The following MYO1D variants were observed in gnomAD, a reference collection of about 807,000 sequenced individuals.
The protein encoded by MYO1D is unconventional myosin-Id.
MYO1D carries 83 observed loss-of-function variants against 122.0 expected under a neutral mutation model. That is an observed-to-expected ratio of 0.68 (90% confidence interval 0.57 to 0.82). The LOEUF (loss-of-function observed/expected upper bound fraction) is 0.82, where lower values mean the gene tolerates loss of function less well. Ranked by LOEUF, MYO1D falls within the 40% of genes least tolerant of loss-of-function variation. The pLI, the probability that MYO1D is intolerant of heterozygous loss-of-function variation, is 0.00. For synonymous variants in MYO1D, 464 were observed against 446.9 expected, an observed-to-expected ratio of 1.04 and a Z score of -0.48; for missense variants, 1,157 against 1,269.5, an observed-to-expected ratio of 0.91 and a Z score of 1.35.
intron 21 of MYO1D, among the ~76,000 whole-genome samples, chr17:32,572,302 A>G (rs1040858412): frequency 6.6e-6 from 1 of 151,978 alleles, no homozygotes; most frequent in African/African-American, 2.4e-5. Flanking sequence ...GACATCTCCA[A>G]CACTGATCTC....
chr17:32,736,971 T>C (rs906222509), intron 14 of MYO1D, among the ~76,000 whole-genome samples: 6 of 152,158 alleles, frequency 3.9e-5, no homozygotes, highest in Non-Finnish European at 7.4e-5. Context: ...AGCCAACAAA[T>C]TGTGCTTATA....
chr17:32,534,606 C>G (rs1212106064), intron 21 of MYO1D, among the ~76,000 whole-genome samples: 1 of 152,166 alleles, frequency 6.6e-6, no homozygotes, highest in Non-Finnish European at 1.5e-5. Context: ...GGTATGAGAT[C>G]TAGAGGCTTA....
intron 1 of MYO1D, among the ~76,000 whole-genome samples, chr17:32,816,814 T>C (rs1237073828): frequency 6.6e-6 from 1 of 152,202 alleles, no homozygotes; most frequent in African/African-American, 2.4e-5. Flanking sequence ...CATCAAAACC[T>C]TAATCCATTT....
chr17:32,671,227 G>C (rs2088715928), intron 16 of MYO1D, among the ~76,000 whole-genome samples: 1 of 152,230 alleles, frequency 6.6e-6, no homozygotes, highest in African/African-American at 2.4e-5. Flanking sequence ...TAATATGCCT[G>C]GTTTGGTCAT....
intron 1 of MYO1D, among the ~76,000 whole-genome samples, chr17:32,865,123 C>G (rs920849962): frequency 8.5e-5 from 13 of 152,130 alleles, no homozygotes; most frequent in African/African-American, 3.1e-4. Context: ...AAACCCAAAG[C>G]TGATATATGA....
In MYO1D at chr17:32,654,495, C is replaced by G. The variant is rs1176057435; in HGVS notation, c.2472G>C (p.Glu824Asp). The G allele has an allele frequency of 6.2e-7, 1 of 1,613,040 alleles. No homozygotes were observed. Among genetic ancestry groups the G allele is most frequent in the Middle Eastern group, 1.7e-4 (1 of 6,054 alleles). ...RADLGLQRAW[E>D]GNYLASKPDT... ...GACTTACTGAAGCAAGATAGTTGCC[C>G]TCCCAGGCCCTCTGGAGCCCGAGGT... Residue 824 changes from glutamate to aspartate, a missense_variant, in exon 18 of 22, where the codon GAG (glutamate) becomes GAC (aspartate). Physicochemically the swap from Glu to Asp is conservative, Grantham distance 45. Transcript: ENST00000318217.
intron 21 of MYO1D, among the ~76,000 whole-genome samples, chr17:32,517,651 A>G (rs1291096212): frequency 6.6e-6 from 1 of 151,760 alleles, no homozygotes; most frequent in Non-Finnish European, 1.5e-5. Flanking sequence ...TTTAAGCATC[A>G]CCCTCCCTGG....
intron 8 of MYO1D, among the ~76,000 whole-genome samples, chr17:32,762,175 A>C (rs1335059783): frequency 6.6e-6 from 1 of 151,918 alleles, no homozygotes; most frequent in African/African-American, 2.4e-5. Context: ...AGAGAAGAGC[A>C]GTCCAAGCAG....
intron 14 of MYO1D, among the ~76,000 whole-genome samples, chr17:32,730,146 A>T (rs2089621015): frequency 1.4e-5 from 2 of 144,218 alleles, no homozygotes; most frequent in Admixed American, 6.9e-5. Flanking sequence ...TTCCTTCTCT[A>T]CTAGTTTGGA....
At chr17:32,665,724 G>C (rs2088627185) in intron 16 of MYO1D, among the ~76,000 whole-genome samples, 1 of 152,128 alleles carries the variant, frequency 6.6e-6, no homozygotes, top group Non-Finnish European at 1.5e-5. Context: ...CAAATGTATA[G>C]GGATCGTTGG....
chr17:32,527,642 A>G (rs1910383862), intron 21 of MYO1D, among the ~76,000 whole-genome samples: 1 of 98,892 alleles, frequency 1.0e-5, no homozygotes, highest in Non-Finnish European at 2.0e-5. Context: ...AAAATAAGAT[A>G]AAAAAAATAG....
chr17:32,645,398 G>A (rs1483569083), intron 19 of MYO1D, among the ~76,000 whole-genome samples: 2 of 152,012 alleles, frequency 1.3e-5, no homozygotes, highest in Non-Finnish European at 2.9e-5. Context: ...TGCTCTTCTC[G>A]AGGAGTATCT....
chr17:32,716,373 G>T (rs1043921052), intron 15 of MYO1D, among the ~76,000 whole-genome samples: 1 of 152,076 alleles, frequency 6.6e-6, no homozygotes, highest in African/African-American at 2.4e-5. Flanking sequence ...GGGTTTATCT[G>T]CTTAATGTCA....
At chr17:32,685,497 A>G (rs1167131669) in intron 16 of MYO1D, among the ~76,000 whole-genome samples, 1 of 152,198 alleles carries the variant, frequency 6.6e-6, no homozygotes, top group Non-Finnish European at 1.5e-5. Flanking sequence ...TCTTTTTCAT[A>G]ACTCCATGGA....
intron 21 of MYO1D, among the ~76,000 whole-genome samples, chr17:32,585,390 A>T (rs976375700): frequency 6.6e-6 from 1 of 152,114 alleles, no homozygotes; most frequent in Non-Finnish European, 1.5e-5. Flanking sequence ...CCACTATGAA[A>T]ATTTTATGTG....
intron 1 of MYO1D, among the ~76,000 whole-genome samples, chr17:32,837,009 G>A (rs181507403): frequency 6.6e-6 from 1 of 152,174 alleles, no homozygotes; most frequent in East Asian, 1.9e-4. Context: ...TCCCAGCAAT[G>A]TGTAAGAGTT....
chr17:32,683,779 C>T, intron 16 of MYO1D, among the ~76,000 whole-genome samples: 1 of 152,096 alleles, frequency 6.6e-6, no homozygotes, highest in African/African-American at 2.4e-5. Context: ...GGGCTCCACC[C>T]AGGAGCTTCC....
chr17:32,741,716 A>G (rs1255052680), intron 13 of MYO1D, among the ~76,000 whole-genome samples: 2 of 152,178 alleles, frequency 1.3e-5, no homozygotes, highest in Non-Finnish European at 2.9e-5. Context: ...TTGGCTCTCC[A>G]TATCCATGGC....
chr17:32,528,481 C>T (rs1257602156), intron 21 of MYO1D, among the ~76,000 whole-genome samples: 10 of 151,536 alleles, frequency 6.6e-5, no homozygotes, highest in East Asian at 5.8e-4. Flanking sequence ...GTATGTGTGT[C>T]GGGGGAATTA....
Sources: allele counts gnomAD v4.1 joint callset (sites outside exome capture counted in the v4.1 genomes callset), GRCh38; gene constraint gnomAD v4.1.1; transcripts MANE v1.5; gene names NCBI Gene and HGNC (gene_info 2026-07-23, HGNC 2026-07-21).